Variants in HS3ST4 observed in about 807,000 individuals in gnomAD.
HS3ST4 encodes heparan sulfate-glucosamine 3-sulfotransferase 4.
HS3ST4 carries 17 observed loss-of-function variants against 29.2 expected under a neutral mutation model. That is an observed-to-expected ratio of 0.58 (90% CI 0.40 to 0.87). The LOEUF is 0.87. HS3ST4 is among the 40% of genes least tolerant of loss of function. The pLI is 0.00. For missense variants in HS3ST4, 627 were observed against 634.5 expected (o/e 0.99, Z 0.13); for synonymous variants, 314 against 285.7 (o/e 1.10, Z -1.00).
chr16:25,999,832 A>ATTATATATATT (rs1294431396), intron 1 of HS3ST4, among the ~76,000 whole-genome samples: 5 of 130,032 alleles, frequency 3.8e-5, no homozygotes, highest in African/African-American at 5.6e-5. Flanking sequence ...ATATTTATAT[A>ATTATATATATT]TTATATATAT....
At chr16:25,698,730 T>C (rs1245178099) in intron 1 of HS3ST4, among the ~76,000 whole-genome samples, 1 of 152,214 alleles carries the variant, frequency 6.6e-6, no homozygotes, top group African/African-American at 2.4e-5. Context: ...TGTCATAATA[T>C]TGTCCAAAGA....
chr16:25,887,264 G>C (rs1238570345), intron 1 of HS3ST4, among the ~76,000 whole-genome samples: 1 of 152,132 alleles, frequency 6.6e-6, no homozygotes, highest in East Asian at 1.9e-4. Flanking sequence ...TTATTCAGGA[G>C]GGATATAGTT....
chr16:25,912,593 A>T (rs1356442413), intron 1 of HS3ST4, among the ~76,000 whole-genome samples: 1 of 152,192 alleles, frequency 6.6e-6, no homozygotes, highest in Non-Finnish European at 1.5e-5. Flanking sequence ...GAAAGTAGGA[A>T]CCAGGTCTAC....
In HS3ST4 at chr16:25,729,159, C is replaced by T. The variant is rs1966555425; in HGVS notation, c.734+36008C>T. Among the ~76,000 whole-genome samples, 5 of 152,062 alleles carry T rather than the reference C, an allele frequency of 3.3e-5. No homozygotes were observed. The South Asian group carries it at 1.0e-3, about 32-fold the overall frequency. ...CAAGAAGGAGTCTGGATAGATGGGA[C>T]CCCACTCAGGAGCCGGGCTAAGAGT... is the stretch of plus-strand genomic sequence containing the variant. On this transcript the variant is annotated intron_variant, in intron 1 of 1. Transcript: ENST00000331351.
intron 1 of HS3ST4, among the ~76,000 whole-genome samples, chr16:25,749,644 T>G (rs935398213): frequency 1.3e-5 from 2 of 152,224 alleles, no homozygotes; most frequent in Non-Finnish European, 2.9e-5. Context: ...CAAGCTGTTG[T>G]CCTCTATGTG....
At chr16:26,105,304 G>A (rs184403036) in intron 1 of HS3ST4, among the ~76,000 whole-genome samples, 92 of 152,138 alleles carry the variant, frequency 6.0e-4, no homozygotes, top group Middle Eastern at 6.8e-3. Flanking sequence ...TTGAGTAAAC[G>A]TAGTCATAAA....
At chr16:25,896,286 C>G (rs1968063833) in intron 1 of HS3ST4, among the ~76,000 whole-genome samples, 1 of 152,160 alleles carries the variant, frequency 6.6e-6, no homozygotes, top group South Asian at 2.1e-4. Context: ...AGCCTTCAAC[C>G]CTCATTTTGC....
chr16:26,101,345 A>T (rs1471369561), intron 1 of HS3ST4, among the ~76,000 whole-genome samples: 3 of 152,138 alleles, frequency 2.0e-5, no homozygotes, highest in Non-Finnish European at 2.9e-5. Context: ...TGTCATCTCC[A>T]TGTCTACTCC....
At chr16:25,811,652 C>T (rs533361576) in intron 1 of HS3ST4, among the ~76,000 whole-genome samples, 4 of 152,040 alleles carry the variant, frequency 2.6e-5, no homozygotes, top group South Asian at 4.2e-4. Context: ...ATGCTGGTCT[C>T]GAACTCCCAA....
At chr16:26,047,847 C>T (rs372444208) in intron 1 of HS3ST4, among the ~76,000 whole-genome samples, 17 of 152,258 alleles carry the variant, frequency 1.1e-4, no homozygotes, top group East Asian at 5.8e-4. Flanking sequence ...GGACCATGAG[C>T]GGTGTAACAG....
intron 1 of HS3ST4, among the ~76,000 whole-genome samples, chr16:26,031,997 G>A (rs1969535665): frequency 6.6e-6 from 1 of 152,164 alleles, no homozygotes; most frequent in African/African-American, 2.4e-5. Context: ...GAAGTGAAAT[G>A]AAAATGGCAG....
At chr16:26,107,204 T>C (rs200638660) in intron 1 of HS3ST4, among the ~76,000 whole-genome samples, 1 of 152,084 alleles carries the variant, frequency 6.6e-6, no homozygotes, top group South Asian at 2.1e-4. Context: ...TACGTATATA[T>C]GGAATTAAAG....
chr16:25,776,831 C>T lies in HS3ST4; in HGVS notation c.734+83680C>T, dbSNP rs531284028. Among the ~76,000 whole-genome samples the T allele has an allele frequency of 2.1e-4, 32 of 152,258 alleles. 1 individual carries two copies. The highest frequency in any genetic ancestry group is 2.0e-3 in the Admixed American group (30 of 15,298). The stretch of plus-strand genomic sequence containing the variant: ...AATGTTTAAACTCTAAAATCTCTTT[C>T]TTTGTATCATTTCTAAGTTTCTACA... On this transcript the variant is annotated intron_variant, in intron 1 of 1. Transcript: ENST00000331351.
intron 1 of HS3ST4, among the ~76,000 whole-genome samples, chr16:25,878,979 C>T (rs567784521): frequency 1.2e-4 from 19 of 152,228 alleles, no homozygotes; most frequent in Admixed American, 2.6e-4. Context: ...AAAACAGTTT[C>T]CTATGCCTCT....
At position 25,773,161 on chromosome 16, in the gene HS3ST4, C is replaced by T. The variant is rs563365668; in HGVS notation, c.734+80010C>T. On this transcript the variant is annotated intron_variant, in intron 1 of 1. Coordinates refer to ENST00000331351, the MANE Select transcript of HS3ST4 (RefSeq NM_006040.3). ...CACACAAAACTGCTGCTGTCTGGTT[C>T]CTTATCTACCCACACTTCCCCAGTT... 2.6e-5 allele frequency among the ~76,000 whole-genome samples: 4 copies of T among 152,284 alleles called. No individual in the cohort carries two copies. In the South Asian group the frequency reaches 6.2e-4, roughly 24 times the overall value.
At chr16:25,870,907 A>G (rs1016621433) in intron 1 of HS3ST4, among the ~76,000 whole-genome samples, 1 of 152,192 alleles carries the variant, frequency 6.6e-6, no homozygotes, top group Non-Finnish European at 1.5e-5. Context: ...GAGAGAGATG[A>G]TGCCTGTTCC....
At chr16:25,933,949 G>T (rs962187683) in intron 1 of HS3ST4, among the ~76,000 whole-genome samples, 2 of 152,230 alleles carry the variant, frequency 1.3e-5, no homozygotes, top group Non-Finnish European at 2.9e-5. Context: ...ATTGGAGGTC[G>T]CATGTGAACA....
At chr16:25,729,255 C>A (rs1165174772) in intron 1 of HS3ST4, among the ~76,000 whole-genome samples, 1 of 152,074 alleles carries the variant, frequency 6.6e-6, no homozygotes, top group Admixed American at 6.6e-5. Flanking sequence ...AGAAATGAGA[C>A]ACAGCGTTTG....
chr16:25,828,301 CCT>C (rs1196055715), intron 1 of HS3ST4, among the ~76,000 whole-genome samples: 1,362 of 32,898 alleles, frequency 0.041, 74 homozygotes, highest in Non-Finnish European at 0.045. Context: ...TCTTTCTTTC[CCT>C]CTCTCTCTCT....
Sources: gnomAD v4.1 joint callset for allele counts (sites outside exome capture counted in the v4.1 genomes callset) on GRCh38, gnomAD v4.1.1 for gene constraint, MANE v1.5 for transcripts, NCBI Gene and HGNC (gene_info 2026-07-23, HGNC 2026-07-21) for gene names.